TYR: variants seen among roughly 807,000 people sequenced by gnomAD.
TYR encodes tyrosinase.
In TYR, 58 loss-of-function variants were observed where a neutral mutation model predicts 51.5. The observed-to-expected ratio is 1.13, with a 90% CI of 0.91 to 1.40. The LOEUF (loss-of-function observed/expected upper bound fraction) is 1.40, where lower values mean the gene tolerates loss of function less well. Among genes scored for constraint, TYR ranks in the 40% most tolerant of loss-of-function variants. TYR has a pLI of 0.00. For missense variants in TYR, 732 were observed against 647.4 expected, an observed-to-expected ratio of 1.13 and a Z score of -1.42; for synonymous variants, 263 against 235.2, an observed-to-expected ratio of 1.12 and a Z score of -1.08.
intron 3 of TYR, among the ~76,000 whole-genome samples, chr11:89,232,163 A>G (rs1294597353): frequency 7.0e-6 from 1 of 143,480 alleles, no homozygotes; most frequent in Non-Finnish European, 1.5e-5. Context: ...TGAATTAGTC[A>G]TTCACAATGT....
At chr11:89,215,981 T>A (rs1943827753) in intron 2 of TYR, among the ~76,000 whole-genome samples, 1 of 152,150 alleles carries the variant, frequency 6.6e-6, no homozygotes, top group Non-Finnish European at 1.5e-5. Flanking sequence ...AGAAAATAAT[T>A]TTTAGGATTT....
At chr11:89,267,036 A>G (rs1049789671) in intron 3 of TYR, among the ~76,000 whole-genome samples, 7 of 151,938 alleles carry the variant, frequency 4.6e-5, no homozygotes, top group African/African-American at 1.7e-4. Flanking sequence ...TAGTAGATAT[A>G]TGATAAACTT....
intron 2 of TYR, among the ~76,000 whole-genome samples, chr11:89,220,988 A>G (rs950106759): frequency 1.3e-5 from 2 of 152,234 alleles, no homozygotes; most frequent in African/African-American, 4.8e-5. Context: ...AAACACTTTA[A>G]TAACACAAAA....
intron 2 of TYR, among the ~76,000 whole-genome samples, chr11:89,204,525 G>C (rs1943645648): frequency 6.6e-6 from 1 of 151,704 alleles, no homozygotes; most frequent in Admixed American, 6.6e-5. Context: ...TTCCCGAGTA[G>C]CTCAGATTGC....
At chr11:89,235,515 A>G (rs2135287074) in intron 3 of TYR, among the ~76,000 whole-genome samples, 1 of 152,316 alleles carries the variant, frequency 6.6e-6, no homozygotes, top group African/African-American at 2.4e-5. Flanking sequence ...TCTGTCATCT[A>G]TCATAATATA....
At chr11:89,217,556 A>G (rs1252748778) in intron 2 of TYR, among the ~76,000 whole-genome samples, 2 of 152,204 alleles carry the variant, frequency 1.3e-5, no homozygotes, top group African/African-American at 4.8e-5. Context: ...ACTTATTCAC[A>G]GGGCCACATA....
At chr11:89,237,242 G>T (rs186485376) in intron 3 of TYR, among the ~76,000 whole-genome samples, 65 of 151,936 alleles carry the variant, frequency 4.3e-4, no homozygotes, top group African/African-American at 1.4e-3. Context: ...TATTTTCGTT[G>T]CCTGTGCTTT....
At chr11:89,212,841 C>T (rs1221309442) in intron 2 of TYR, among the ~76,000 whole-genome samples, 1 of 152,184 alleles carries the variant, frequency 6.6e-6, no homozygotes, top group African/African-American at 2.4e-5. Flanking sequence ...ACAAAAACCA[C>T]TTGATTATCT....
intron 3 of TYR, among the ~76,000 whole-genome samples, chr11:89,240,218 A>G (rs984166756): frequency 6.6e-6 from 1 of 152,086 alleles, no homozygotes; most frequent in African/African-American, 2.4e-5. Context: ...AAACATGTAC[A>G]TCCTGCACAT....
rs577955217 is a variant in TYR at position 89,287,108 on chromosome 11, C to T, written c.1366+2154C>T. Among the ~76,000 whole-genome samples the T allele has an allele frequency of 1.1e-3, 169 of 151,872 alleles. 2 individuals are homozygous for T. The highest frequency in any genetic ancestry group is 3.4e-3 in the Middle Eastern group (1 of 294). ...CCTTTCTCATAGTTACATAGCATTT[C>T]TTTCTGTGTATGAATCTGTCCTGGG... is the stretch of plus-strand genomic sequence containing the variant. On this transcript the variant is annotated intron_variant, in intron 4 of 4. Coordinates refer to ENST00000263321, the MANE Select transcript of TYR (RefSeq NM_000372.5).
At chr11:89,289,367 G>A (rs1005124165) in intron 4 of TYR, among the ~76,000 whole-genome samples, 2 of 151,972 alleles carry the variant, frequency 1.3e-5, no homozygotes, top group African/African-American at 4.8e-5. Flanking sequence ...CTGTGTGCAT[G>A]CTGTTCTTTT....
chr11:89,227,856 C>T lies in TYR; in HGVS notation c.1070C>T (p.Ala357Val). 1 of 1,613,026 alleles carries T rather than the reference C, an allele frequency of 6.2e-7. No individual in the cohort carries two copies. Among genetic ancestry groups the T allele is most frequent in the Non-Finnish European group, 8.5e-7 (1 of 1,179,602 alleles). The change falls in exon 3 of 5, where the codon GCC (alanine) becomes GTC (valine). Residue 357 changes from alanine to valine, a missense_variant. Ala to Val is a moderately conservative substitution (Grantham distance 64). Coordinates refer to ENST00000263321, the MANE Select transcript of TYR (RefSeq NM_000372.5). ...FASPLTGIADASQSSMHNALH... is the reference protein window; with the variant it reads ...FASPLTGIADVSQSSMHNALH... Reference sequence around the variant, plus strand: ...AGTCCACTTACTGGGATAGCGGATGCCTCTCAAAGCAGCATGCACAATGCC... The same window carrying T: ...AGTCCACTTACTGGGATAGCGGATGTCTCTCAAAGCAGCATGCACAATGCC...
intron 1 of TYR, among the ~76,000 whole-genome samples, chr11:89,182,431 A>G (rs184731273): frequency 4.6e-5 from 7 of 152,226 alleles, no homozygotes; most frequent in African/African-American, 1.4e-4. Flanking sequence ...TGGGTATAAT[A>G]TATCTTGTGT....
intron 2 of TYR, among the ~76,000 whole-genome samples, chr11:89,194,222 G>C (rs1411120119): frequency 6.6e-6 from 1 of 152,046 alleles, no homozygotes; most frequent in East Asian, 1.9e-4. Context: ...GGAGGATATA[G>C]TTCCTCCTCT....
rs577786710 is a variant in TYR, at chr11:89,270,909, C to T, written c.1185-13864C>T. ...AATGACCAATAAGGCAATATCATTG[C>T]TTTCGGCGAATTTCCCATATAGGCA... On this transcript the variant is annotated intron_variant, in intron 3 of 4. Transcript: ENST00000263321. Among the ~76,000 whole-genome samples, 11 of 151,890 alleles carry T rather than the reference C, an allele frequency of 7.2e-5. No individual in the cohort carries two copies. In the East Asian group the frequency reaches 1.2e-3, roughly 16 times the overall value.
chr11:89,214,135 G>A (rs768526038), intron 2 of TYR, among the ~76,000 whole-genome samples: 1 of 152,170 alleles, frequency 6.6e-6, no homozygotes, highest in Non-Finnish European at 1.5e-5. Flanking sequence ...AAATATCAGA[G>A]TGAACAGGCA....
intron 2 of TYR, among the ~76,000 whole-genome samples, chr11:89,206,674 A>AAC (rs2135265614): frequency 6.6e-6 from 1 of 152,270 alleles, no homozygotes; most frequent in African/African-American, 2.4e-5. Flanking sequence ...CAACAACAAA[A>AAC]AATATTTATT....
At chr11:89,239,418 C>G (rs926839870) in intron 3 of TYR, among the ~76,000 whole-genome samples, 1 of 151,894 alleles carries the variant, frequency 6.6e-6, no homozygotes, top group African/African-American at 2.4e-5. Context: ...AATGTCTCCT[C>G]TTTCATTTCT....
chr11:89,273,683 C>G (rs1357346164), intron 3 of TYR, among the ~76,000 whole-genome samples: 1 of 151,836 alleles, frequency 6.6e-6, no homozygotes, highest in Non-Finnish European at 1.5e-5. Context: ...CCACATAAAG[C>G]AATAAATTGA....
Sources: gnomAD v4.1 joint callset for allele counts (sites outside exome capture counted in the v4.1 genomes callset) on GRCh38, gnomAD v4.1.1 for gene constraint, MANE v1.5 for transcripts, NCBI Gene and HGNC (gene_info 2026-07-23, HGNC 2026-07-21) for gene names.